The following SLC25A30 variants were observed in gnomAD, a reference collection of about 807,000 sequenced individuals.
SLC25A30 encodes kidney mitochondrial carrier protein 1.
Under a neutral mutation model 42.7 loss-of-function variants are expected in SLC25A30, and 29 were observed. The ratio of observed to expected loss-of-function variants is 0.68; its 90% CI spans 0.51 to 0.93. The LOEUF is 0.93. SLC25A30 is among the 40% of genes least tolerant of loss of function. The probability of loss-of-function intolerance (pLI) is 0.00; values close to 1 mark genes in which losing one functional copy is unlikely to be tolerated. For missense variants in SLC25A30, 300 were observed against 359.7 expected (o/e 0.83, Z 1.34); for synonymous variants, 124 against 131.0 (o/e 0.95, Z 0.37).
At chr13:45,424,544 AATATATAAAT>A in the SLC25A30 span, among the ~76,000 whole-genome samples, 1 of 34,256 alleles carries the variant, frequency 2.9e-5, no homozygotes, top group Non-Finnish European at 4.8e-5. Context: ...TAAATATATA[AATATATAAAT>A]ATATATAAAT....
chr13:45,433,086 T>C, the SLC25A30 span, among the ~76,000 whole-genome samples: 3 of 151,768 alleles, frequency 2.0e-5, no homozygotes, highest in Non-Finnish European at 4.4e-5. Flanking sequence ...GCCTGTATTA[T>C]TTTTTTTAGC....
Position 45,401,140 on chromosome 13 carries a change from G to A in SLC25A30, c.557C>T (p.Thr186Ile), listed in dbSNP as rs752333494. The part of the protein sequence containing the change: ...VGVELPVYDI[T>I]KKHLILSGLM... ...GCCTGAGAGAATAAGATGCTTCTTG[G>A]TGATGTCATAGACCGGCAGCTCCAC... The change falls in exon 7 of 10, where the codon ACC becomes ATC. Residue 186 changes from threonine to isoleucine, a missense_variant. Thr to Ile is a moderately conservative substitution (Grantham distance 89). Coordinates refer to ENST00000519676, the MANE Select transcript of SLC25A30 (RefSeq NM_001010875.4). 4 of 1,613,966 alleles carry A rather than the reference G, an allele frequency of 2.5e-6. No individual in the cohort carries two copies. The Admixed American group carries it at 6.7e-5, about 27-fold the overall frequency.
the SLC25A30 span, among the ~76,000 whole-genome samples, chr13:45,425,103 T>C: frequency 2.2e-5 from 2 of 92,292 alleles, no homozygotes; most frequent in Non-Finnish European, 1.9e-5. Context: ...TATTTATAAA[T>C]ATATAAATAT....
At chr13:45,428,517 C>CTT in the SLC25A30 span, among the ~76,000 whole-genome samples, 164 of 92,522 alleles carry the variant, frequency 1.8e-3, no homozygotes, top group African/African-American at 2.4e-3. Context: ...TTCTTTTTAA[C>CTT]TTTTTTTTTT....
chr13:45,422,967 C>T (rs1883925404), upstream of SLC25A30, among the ~76,000 whole-genome samples: 1 of 152,100 alleles, frequency 6.6e-6, no homozygotes, highest in Non-Finnish European at 1.5e-5. Context: ...GGTGCCTGCC[C>T]TCTTTGTGCA....
At chr13:45,424,938 TTAAATAAATATA>T in the SLC25A30 span, among the ~76,000 whole-genome samples, 8 of 43,864 alleles carry the variant, frequency 1.8e-4, no homozygotes, top group East Asian at 2.9e-3. Context: ...ATATAAATAT[TTAAATAAATATA>T]TAAATAAATA....
Position 45,395,483 on chromosome 13 carries a change from C to CA in SLC25A30, c.*490dup, listed in dbSNP as rs1481100119. On this transcript the variant is annotated 3_prime_UTR_variant, in exon 10 of 10. Coordinates refer to ENST00000519676, the MANE Select transcript of SLC25A30 (RefSeq NM_001010875.4). ...TGCACCGTTTATACCTGGGGTTGAA[C>CA]AGTCCAGGTCTCCATACATGAAATT... is the stretch of plus-strand genomic sequence containing the variant. The CA allele has an allele frequency of 3.0e-6, 3 of 999,136 alleles. No homozygotes were observed. The African/African-American group carries it at 5.2e-5, about 17-fold the overall frequency. 61.9% of individuals were successfully genotyped at this position (999,136 alleles called of 1,614,324 possible).
intron 1 of SLC25A30, among the ~76,000 whole-genome samples, chr13:45,413,039 C>T (rs1418585629): frequency 1.4e-4 from 21 of 152,264 alleles, no homozygotes; most frequent in Admixed American, 1.4e-3. Flanking sequence ...CAAGTCACCA[C>T]TGCCCAGAAT....
At position 45,395,060 on chromosome 13, in the gene SLC25A30, T is replaced by G; in HGVS notation, c.*914A>C. 21 of 985,464 alleles carry G rather than the reference T, an allele frequency of 2.1e-5. No homozygotes were observed. Among genetic ancestry groups the G allele is most frequent in the Non-Finnish European group, 2.4e-5 (20 of 829,938 alleles). 61.0% of individuals were successfully genotyped at this position (985,464 alleles called of 1,614,324 possible). A position where few individuals can be genotyped will look rare whatever the true frequency, so the allele number is the denominator to read the frequency against. ...GAACATGCCCCTCTTCTACATAGACTGTTTAGAGCTGTTCCACAGCATGAT... is the reference window on the plus strand; with the variant it reads ...GAACATGCCCCTCTTCTACATAGACGGTTTAGAGCTGTTCCACAGCATGAT... On this transcript the variant is annotated 3_prime_UTR_variant, in exon 10 of 10. Transcript: ENST00000519676.
chr13:45,405,303 A>G (rs1882394484), intron 4 of SLC25A30, among the ~76,000 whole-genome samples: 1 of 152,254 alleles, frequency 6.6e-6, no homozygotes, highest in Non-Finnish European at 1.5e-5. Context: ...TTCCTATGAG[A>G]TAACATGACG....
intron 2 of SLC25A30, among the ~76,000 whole-genome samples, chr13:45,410,703 T>C (rs186191525): frequency 6.8e-4 from 104 of 152,200 alleles, no homozygotes; most frequent in South Asian, 1.5e-3. Flanking sequence ...TCTCACCTAC[T>C]TGGGAGACCC....
upstream of SLC25A30, among the ~76,000 whole-genome samples, chr13:45,419,829 C>G (rs1190596564): frequency 2.0e-5 from 3 of 151,600 alleles, no homozygotes; most frequent in African/African-American, 7.3e-5. Flanking sequence ...ACTCGGGAGG[C>G]TGAGGCAGGA....
At chr13:45,416,067 G>A (rs1883503071) in intron 1 of SLC25A30, among the ~76,000 whole-genome samples, 1 of 151,228 alleles carries the variant, frequency 6.6e-6, no homozygotes, top group African/African-American at 2.4e-5. Flanking sequence ...CAAAGTGCTG[G>A]GATTATAGGC....
At chr13:45,408,363 T>C (rs1882706094) in intron 3 of SLC25A30, among the ~76,000 whole-genome samples, 1 of 152,082 alleles carries the variant, frequency 6.6e-6, no homozygotes, top group Non-Finnish European at 1.5e-5. Flanking sequence ...AACAAAAACC[T>C]CTGGGGATTG....
chr13:45,399,789 TCTC>T, intron 7 of SLC25A30, among the ~76,000 whole-genome samples: 1 of 151,776 alleles, frequency 6.6e-6, no homozygotes, highest in South Asian at 2.1e-4. Context: ...AAGAAAAAGA[TCTC>T]CTTACTATAA....
chr13:45,401,003 T>C lies in SLC25A30; in HGVS notation c.614+80A>G, dbSNP rs867870267. The C allele has an allele frequency of 3.8e-4, 489 of 1,302,920 alleles. 2 individuals are homozygous for C. Among genetic ancestry groups the C allele is most frequent in the Middle Eastern group, 2.1e-3 (8 of 3,754 alleles). 80.7% of individuals were successfully genotyped at this position (1,302,920 alleles called of 1,614,324 possible). A position where few individuals can be genotyped will look rare whatever the true frequency, so the allele number is the denominator to read the frequency against. Reference sequence around the variant, plus strand: ...TGCTTCACTTCTGCATTGCAACTTTTCAAATATAAGAATATAATACTTTTA... The same window carrying C: ...TGCTTCACTTCTGCATTGCAACTTTCCAAATATAAGAATATAATACTTTTA... On this transcript the variant is annotated intron_variant, in intron 7 of 9. Coordinates refer to ENST00000519676, the MANE Select transcript of SLC25A30 (RefSeq NM_001010875.4).
At chr13:45,433,093 T>TA in the SLC25A30 span, among the ~76,000 whole-genome samples, 2 of 152,196 alleles carry the variant, frequency 1.3e-5, no homozygotes, top group Non-Finnish European at 2.9e-5. Context: ...TTATTTTTTT[T>TA]AGCCCATCAT....
the SLC25A30 span, among the ~76,000 whole-genome samples, chr13:45,433,793 A>G: frequency 2.6e-5 from 4 of 152,346 alleles, no homozygotes; most frequent in South Asian, 2.1e-4. Flanking sequence ...TGCATTTTAC[A>G]TAATAATCCA....
intron 2 of SLC25A30, 44 bp from the exon 3 acceptor site, chr13:45,409,118 C>T: frequency 2.0e-6 from 3 of 1,483,288 alleles, no homozygotes; most frequent in Middle Eastern, 1.8e-4. Flanking sequence ...AGAAATTCCA[C>T]TAAATAAAGG....
Sources: gnomAD v4.1 joint callset for allele counts (sites outside exome capture counted in the v4.1 genomes callset) on GRCh38, gnomAD v4.1.1 for gene constraint, MANE v1.5 for transcripts, NCBI Gene and HGNC (gene_info 2026-07-23, HGNC 2026-07-21) for gene names.